MBNL1: variants seen among roughly 807,000 people sequenced by gnomAD.
MBNL1 encodes muscleblind-like protein 1.
Under a neutral mutation model 42.2 loss-of-function variants are expected in MBNL1, and 8 were observed. The observed-to-expected ratio is 0.19, with a 90% CI of 0.11 to 0.34. The LOEUF (loss-of-function observed/expected upper bound fraction) is 0.34, where lower values mean the gene tolerates loss of function less well. MBNL1 is among the 10% of genes least tolerant of loss of function. MBNL1 has a pLI of 1.00. For missense variants in MBNL1, 309 were observed against 495.3 expected (o/e 0.62, Z 3.57); for synonymous variants, 169 against 173.9 (o/e 0.97, Z 0.22).
chr3:152,258,757 A>G (rs2035813965), intron 2 of MBNL1, among the ~76,000 whole-genome samples: 1 of 152,224 alleles, frequency 6.6e-6, no homozygotes, highest in Non-Finnish European at 1.5e-5. Flanking sequence ...TGCTTCTTTC[A>G]TCATGGGAAG....
At position 152,464,401 on chromosome 3, in the gene MBNL1, C is replaced by T. The variant is rs1174893882; in HGVS notation, c.*2035C>T. ...TCTTGTCTAGTTTTCATTAAAAGAA[C>T]AAAGATCTTTTATATGGATATCTTA... On this transcript the variant is annotated 3_prime_UTR_variant, in exon 10 of 10. Coordinates refer to ENST00000324210, the MANE Select transcript of MBNL1 (RefSeq NM_021038.5). 6.6e-6 allele frequency: 1 copy of T among 152,402 alleles called. No homozygotes were observed. Among genetic ancestry groups the T allele is most frequent in the African/African-American group, 2.4e-5 (1 of 41,406 alleles). 9.4% of individuals were successfully genotyped at this position (152,402 alleles called of 1,614,324 possible).
chr3:152,414,462 A>T (rs929847136), intron 2 of MBNL1, among the ~76,000 whole-genome samples: 2 of 152,174 alleles, frequency 1.3e-5, no homozygotes, highest in African/African-American at 4.8e-5. Flanking sequence ...TTGTTATTAG[A>T]TACTTATAAA....
At chr3:152,429,483 G>A (rs1341909928) in intron 3 of MBNL1, among the ~76,000 whole-genome samples, 2 of 152,200 alleles carry the variant, frequency 1.3e-5, no homozygotes, top group African/African-American at 4.8e-5. Context: ...AATATAGTCA[G>A]TATCAAATAT....
At chr3:152,261,728 A>C (rs984550626) in intron 2 of MBNL1, among the ~76,000 whole-genome samples, 3 of 152,178 alleles carry the variant, frequency 2.0e-5, no homozygotes, top group Non-Finnish European at 2.9e-5. Context: ...CAGCATGAAA[A>C]ATCTGAACAA....
intron 6 of MBNL1, among the ~76,000 whole-genome samples, chr3:152,452,047 A>C (rs1724258072): frequency 6.6e-6 from 1 of 152,210 alleles, no homozygotes; most frequent in African/African-American, 2.4e-5. Context: ...CCCTTACTGA[A>C]CACCTAACTC....
chr3:152,326,981 G>A (rs2080764831), intron 2 of MBNL1, among the ~76,000 whole-genome samples: 1 of 151,516 alleles, frequency 6.6e-6, no homozygotes, highest in African/African-American at 2.4e-5. Flanking sequence ...TTTTTTGTGT[G>A]TATTTTTAGT....
chr3:152,388,792 C>T (rs2097552027), intron 2 of MBNL1, among the ~76,000 whole-genome samples: 1 of 152,130 alleles, frequency 6.6e-6, no homozygotes, highest in Admixed American at 6.5e-5. Flanking sequence ...CATCTGGTAG[C>T]CTGCATGTGC....
chr3:152,340,978 G>A (rs1334828492), intron 2 of MBNL1: 2 of 1,483,864 alleles, frequency 1.3e-6, no homozygotes, highest in East Asian at 2.3e-5. Flanking sequence ...GAAGGTCTGG[G>A]TAAATTGATG....
intron 2 of MBNL1, among the ~76,000 whole-genome samples, chr3:152,257,439 G>A (rs896218778): frequency 6.6e-5 from 10 of 152,018 alleles, no homozygotes; most frequent in Non-Finnish European, 8.8e-5. Context: ...GAGCCAAGAG[G>A]CCTCTCCTTG....
chr3:152,433,771 T>C (rs1165056325), intron 4 of MBNL1, among the ~76,000 whole-genome samples: 5 of 152,012 alleles, frequency 3.3e-5, no homozygotes, highest in Non-Finnish European at 2.9e-5. Context: ...AAAAAAAGTT[T>C]TTTGCATAAT....
intron 2 of MBNL1, among the ~76,000 whole-genome samples, chr3:152,342,553 A>AACACACACACACACACACACAC (rs111644138): frequency 4.8e-4 from 70 of 145,992 alleles, no homozygotes; most frequent in African/African-American, 1.7e-3. Flanking sequence ...AACTAAACAA[A>AACACACACACACACACACACAC]ACACACACAC....
intron 5 of MBNL1, among the ~76,000 whole-genome samples, chr3:152,447,016 A>T (rs922884662): frequency 6.6e-6 from 1 of 152,160 alleles, no homozygotes; most frequent in Admixed American, 6.5e-5. Context: ...TGTTCTGAAG[A>T]AATAGTCGGA....
At chr3:152,333,954 C>T (rs1273704490) in intron 2 of MBNL1, among the ~76,000 whole-genome samples, 1 of 152,140 alleles carries the variant, frequency 6.6e-6, no homozygotes, top group Non-Finnish European at 1.5e-5. Flanking sequence ...CCTAACTAAG[C>T]CTCAGTTTCC....
intron 2 of MBNL1, among the ~76,000 whole-genome samples, chr3:152,256,798 A>C (rs901101372): frequency 1.3e-5 from 2 of 152,186 alleles, no homozygotes; most frequent in African/African-American, 4.8e-5. Flanking sequence ...CCTCATACTT[A>C]AGAAGTTAAT....
chr3:152,279,323 C>T (rs573727874), intron 1 of MBNL1, among the ~76,000 whole-genome samples: 4 of 152,122 alleles, frequency 2.6e-5, no homozygotes, highest in Admixed American at 6.6e-5. Flanking sequence ...GGTGATCAGC[C>T]GAACTGAACA....
At chr3:152,452,097 A>G (rs1052325208) in intron 6 of MBNL1, among the ~76,000 whole-genome samples, 2 of 152,270 alleles carry the variant, frequency 1.3e-5, no homozygotes, top group Non-Finnish European at 2.9e-5. Flanking sequence ...AAAGATAAAT[A>G]TAAGTATTAG....
chr3:152,256,196 T>G (rs1352537965), intron 2 of MBNL1, among the ~76,000 whole-genome samples: 1 of 152,138 alleles, frequency 6.6e-6, no homozygotes, highest in African/African-American at 2.4e-5. Context: ...ATTATTACAT[T>G]TAGGTGAATT....
intron 2 of MBNL1, among the ~76,000 whole-genome samples, chr3:152,261,127 G>A (rs781126023): frequency 4.6e-5 from 7 of 152,070 alleles, no homozygotes; most frequent in African/African-American, 7.2e-5. Flanking sequence ...CCTTGGCTGC[G>A]CTTTGAAATC....
chr3:152,419,718 TTTG>T (rs953813145), intron 3 of MBNL1, among the ~76,000 whole-genome samples: 3 of 122,978 alleles, frequency 2.4e-5, no homozygotes, highest in South Asian at 5.5e-4. Flanking sequence ...TGTTTGTTTG[TTTG>T]TTTTCATACT....
Sources: gnomAD v4.1 joint callset for allele counts (sites outside exome capture counted in the v4.1 genomes callset) on GRCh38, gnomAD v4.1.1 for gene constraint, MANE v1.5 for transcripts, NCBI Gene and HGNC (gene_info 2026-07-23, HGNC 2026-07-21) for gene names.